The following CIB2 variants were observed in gnomAD, a reference collection of about 807,000 sequenced individuals.
CIB2 encodes calcium and integrin-binding family member 2.
In CIB2, 19 loss-of-function variants were observed where a neutral mutation model predicts 23.1. That is an observed-to-expected ratio of 0.82 (90% CI 0.57 to 1.21). The LOEUF is 1.21. Ranked by LOEUF, CIB2 falls within the 50% of genes most tolerant of loss-of-function variation. CIB2 has a pLI of 0.00. For missense variants in CIB2, 220 were observed against 241.5 expected, an observed-to-expected ratio of 0.91 and a Z score of 0.59; for synonymous variants, 94 against 91.7, an observed-to-expected ratio of 1.03 and a Z score of -0.14.
chr15:78,131,434 C>A lies in CIB2; in HGVS notation c.-219G>T, dbSNP rs760756694. 14 of 188,098 alleles carry A rather than the reference C, an allele frequency of 7.4e-5. No homozygotes were observed. The highest frequency in any genetic ancestry group is 3.4e-4 in the African/African-American group (14 of 41,238). The allele number at this position is 188,098 out of a possible 1,614,324, so 11.7% of individuals were successfully genotyped here. ...CCCGGAGCGGCAGCGACTCCGCCGC[C>A]GGCGGGAAGAGGGCGGGGCACCCGG... On this transcript the variant is annotated 5_prime_UTR_variant, in exon 1 of 6. Transcript: ENST00000258930. The surrounding 1 kb of genome is among the most constrained non-coding windows in gnomAD (Gnocchi z 5.8).
chr15:78,126,876 G>A (rs1420998685), intron 1 of CIB2, among the ~76,000 whole-genome samples: 1 of 152,242 alleles, frequency 6.6e-6, no homozygotes, highest in Non-Finnish European at 1.5e-5. Flanking sequence ...AGGAGGCAGT[G>A]CACAGGTAGT....
intron 5 of CIB2, 92 bp from the exon 6 acceptor site, chr15:78,105,424 A>G (rs2074051746): frequency 4.4e-6 from 7 of 1,593,178 alleles, no homozygotes. Flanking sequence ...CCCCAGCCCC[A>G]TGCTGGACAG....
At chr15:78,122,965 T>C (rs2074338861) in intron 2 of CIB2, among the ~76,000 whole-genome samples, 1 of 152,240 alleles carries the variant, frequency 6.6e-6, no homozygotes, top group South Asian at 2.1e-4. Flanking sequence ...GGGACTTTGC[T>C]GGCTTTTAGT....
intron 2 of CIB2, among the ~76,000 whole-genome samples, chr15:78,121,950 C>A (rs2074326429): frequency 6.6e-6 from 1 of 152,180 alleles, no homozygotes; most frequent in Non-Finnish European, 1.5e-5. Flanking sequence ...GGAGTGGGAG[C>A]AGGAGAAGCT....
intron 4 of CIB2, 42 bp downstream of exon 4, chr15:78,109,193 C>A: frequency 5.6e-6 from 6 of 1,063,388 alleles, no homozygotes; most frequent in South Asian, 5.6e-5. Flanking sequence ...CCCACATGTT[C>A]CCCCACCGCA....
intron 4 of CIB2, 56 bp from the exon 5 acceptor site, chr15:78,105,990 C>T: frequency 6.9e-7 from 1 of 1,443,398 alleles, no homozygotes; most frequent in South Asian, 1.2e-5. Flanking sequence ...CCAGGGACCC[C>T]TACACTATAG....
chr15:78,109,397 C>T lies in CIB2; in HGVS notation c.199-15G>A, dbSNP rs755699237. 1.6e-5 allele frequency: 26 copies of T among 1,613,816 alleles called. No individual in the cohort carries two copies. In the South Asian group the frequency reaches 2.1e-4, roughly 13 times the overall value. On this transcript the variant is annotated splice_polypyrimidine_tract_variant and intron_variant, in intron 3 of 5. Coordinates refer to ENST00000258930, the MANE Select transcript of CIB2 (RefSeq NM_006383.4). Reference sequence around the variant, plus strand: ...AAGGGATTCTCCTGAAGAAAACACACACAGCAATCACTGTGGGTGCAGGAT... The same window carrying T: ...AAGGGATTCTCCTGAAGAAAACACATACAGCAATCACTGTGGGTGCAGGAT...
intron 3 of CIB2, chr15:78,110,567 T>C (rs1319622526): frequency 2.3e-6 from 1 of 436,500 alleles, no homozygotes; most frequent in Non-Finnish European, 4.7e-6. Flanking sequence ...TTCTTAATGC[T>C]GAATGCACTT....
chr15:78,119,427 T>C (rs1395041101), intron 2 of CIB2, among the ~76,000 whole-genome samples: 2 of 152,254 alleles, frequency 1.3e-5, no homozygotes, highest in African/African-American at 4.8e-5. Flanking sequence ...TTCAATTCTT[T>C]TGGGTATATA....
intron 2 of CIB2, among the ~76,000 whole-genome samples, chr15:78,114,781 A>G (rs1195410842): frequency 1.3e-5 from 2 of 151,924 alleles, no homozygotes; most frequent in African/African-American, 4.8e-5. Flanking sequence ...TCTACAAAAA[A>G]AAAAAAAAAA....
intron 2 of CIB2, among the ~76,000 whole-genome samples, chr15:78,116,805 G>A (rs2074246230): frequency 6.6e-6 from 1 of 152,096 alleles, no homozygotes; most frequent in African/African-American, 2.4e-5. Flanking sequence ...ATTTGGCTGA[G>A]TGCAGTGGCT....
intron 1 of CIB2, among the ~76,000 whole-genome samples, chr15:78,128,087 C>T (rs2074405331): frequency 6.6e-6 from 1 of 152,208 alleles, no homozygotes. Context: ...AAGAAGGAAG[C>T]TGGAGTGTAA....
chr15:78,120,437 G>A (rs2074301776), intron 2 of CIB2: 6 of 511,756 alleles, frequency 1.2e-5, no homozygotes, highest in Non-Finnish European at 1.5e-5. Context: ...AAAATAACAA[G>A]TAGGCAAATA....
At chr15:78,120,798 T>C in intron 2 of CIB2, 1 of 946,590 alleles carries the variant, frequency 1.1e-6, no homozygotes, top group Non-Finnish European at 1.3e-6. Context: ...CTCCTAGCCA[T>C]CTGGTCAGTA....
intron 2 of CIB2, among the ~76,000 whole-genome samples, chr15:78,119,582 T>C (rs2074290075): frequency 6.6e-6 from 1 of 152,190 alleles, no homozygotes; most frequent in African/African-American, 2.4e-5. Flanking sequence ...CTTTTTTTTT[T>C]TTGAGATGGA....
In CIB2 at chr15:78,123,700, C is replaced by G. The variant is rs1555427348; in HGVS notation, c.86+5G>C. On this transcript the variant is annotated splice_donor_5th_base_variant and intron_variant, in intron 2 of 5. Transcript: ENST00000258930. ...CCAACAGGGTGAACGAGAAGCCACA[C>G]TTACTTGAGGATGTCCTTCTTATTG... 2 of 1,614,104 alleles carry G rather than the reference C, an allele frequency of 1.2e-6. No homozygotes were observed. Among genetic ancestry groups the G allele is most frequent in the Non-Finnish European group, 1.7e-6 (2 of 1,179,958 alleles).
intron 1 of CIB2, among the ~76,000 whole-genome samples, chr15:78,125,517 C>T (rs546609360): frequency 6.6e-6 from 1 of 152,294 alleles, no homozygotes; most frequent in African/African-American, 2.4e-5. Context: ...GATGCAAACA[C>T]TTCCCCTATA....
chr15:78,109,187 C>T (rs1477896003), intron 4 of CIB2, 48 bp downstream of exon 4: 1 of 1,416,474 alleles, frequency 7.1e-7, no homozygotes, highest in South Asian at 1.2e-5. Context: ...AAGGGCCCCA[C>T]ATGTTCCCCC....
chr15:78,122,400 G>C (rs890975485), intron 2 of CIB2, among the ~76,000 whole-genome samples: 1 of 152,188 alleles, frequency 6.6e-6, no homozygotes, highest in Non-Finnish European at 1.5e-5. Flanking sequence ...TACAAAGGTA[G>C]GGAACCCGAA....
Sources: allele counts gnomAD v4.1 joint callset (sites outside exome capture counted in the v4.1 genomes callset), GRCh38; gene constraint gnomAD v4.1.1; non-coding constraint Gnocchi (gnomAD v3.1); transcripts MANE v1.5; gene names NCBI Gene and HGNC (gene_info 2026-07-23, HGNC 2026-07-21).